Variants in ANKRD18A observed in about 807,000 individuals in gnomAD.
The protein encoded by ANKRD18A is ankyrin repeat domain-containing protein 18A.
A neutral mutation model predicts 110.6 loss-of-function variants in ANKRD18A; 72 were observed. The observed-to-expected ratio is 0.65, with a 90% CI of 0.54 to 0.79. The LOEUF (loss-of-function observed/expected upper bound fraction) is 0.79. Among genes scored for constraint, ANKRD18A ranks in the 30% least tolerant of loss-of-function variants. The pLI is 0.00. For missense variants in ANKRD18A, 934 were observed against 1,163.3 expected, an observed-to-expected ratio of 0.80 and a Z score of 2.87; for synonymous variants, 305 against 410.3, an observed-to-expected ratio of 0.74 and a Z score of 3.10.
At chr9:38,615,795 T>C (rs965926492) in intron 2 of ANKRD18A, 28 bp from the exon 3 acceptor site, 3 of 1,595,228 alleles carry the variant, frequency 1.9e-6, no homozygotes, top group Admixed American at 3.6e-5. Flanking sequence ...AAAACTAGAC[T>C]ATAAATTCTA....
Position 38,577,146 on chromosome 9 carries a change from G to A in ANKRD18A, c.2648C>T (p.Ala883Val), listed in dbSNP as rs773127893. 1 of 1,549,440 alleles carries A rather than the reference G, an allele frequency of 6.5e-7. No homozygotes were observed. Reference sequence around the variant, plus strand: ...TAATTCAGTTGTAACCTCTTCATAAGCAGTTTTCATTTTGGAGAATTTACA... The same window carrying A: ...TAATTCAGTTGTAACCTCTTCATAAACAGTTTTCATTTTGGAGAATTTACA... ...VECKFSKMKT[A>V]YEEVTTELEE... The change falls in exon 14 of 16, where the codon GCT (alanine) becomes GTT (valine). Residue 883 changes from alanine to valine, a missense_variant. Ala to Val is a moderately conservative substitution (Grantham distance 64). Around this residue, in one of 4 missense-constraint regions of ANKRD18A, gnomAD observed 223 missense variants for 226.7 expected, o/e 0.98. Transcript: ENST00000399703.
At chr9:38,578,974 G>T (rs1462745997) in intron 12 of ANKRD18A, among the ~76,000 whole-genome samples, 2 of 152,086 alleles carry the variant, frequency 1.3e-5, no homozygotes, top group African/African-American at 4.8e-5. Context: ...AATTTGAATT[G>T]CATTTTAAGA....
At chr9:38,611,763 A>T (rs1825630974) in intron 3 of ANKRD18A, among the ~76,000 whole-genome samples, 1 of 152,194 alleles carries the variant, frequency 6.6e-6, no homozygotes, top group Non-Finnish European at 1.5e-5. Context: ...TGTTTCTTAA[A>T]CTATATTTCA....
chr9:38,568,441 G>T (rs577785934), downstream of ANKRD18A: 1 of 151,880 alleles, frequency 6.6e-6, no homozygotes, highest in Non-Finnish European at 1.5e-5. Flanking sequence ...AACCTCACTC[G>T]CTGCCAGTCA....
At chr9:38,575,087 C>A (rs1823820092) in intron 15 of ANKRD18A, among the ~76,000 whole-genome samples, 1 of 127,426 alleles carries the variant, frequency 7.8e-6, no homozygotes, top group African/African-American at 3.6e-5. Context: ...GAGCAAGACA[C>A]CATCTCAAAA....
chr9:38,611,382 A>G, intron 3 of ANKRD18A, 61 bp from the exon 4 acceptor site: 24 of 1,499,674 alleles, frequency 1.6e-5, no homozygotes, highest in Non-Finnish European at 2.1e-5. Context: ...ACTGAACTAA[A>G]AATCTTCTAT....
intron 9 of ANKRD18A, among the ~76,000 whole-genome samples, chr9:38,594,392 A>G: frequency 6.6e-6 from 1 of 152,212 alleles, no homozygotes; most frequent in Non-Finnish European, 1.5e-5. Context: ...AAACTCATAA[A>G]TCACAGACAG....
At chr9:38,583,391 A>G (rs1171491074) in intron 12 of ANKRD18A, among the ~76,000 whole-genome samples, 1 of 152,130 alleles carries the variant, frequency 6.6e-6, no homozygotes, top group Non-Finnish European at 1.5e-5. Flanking sequence ...CATTATTACT[A>G]TATTTTTTTT....
intron 12 of ANKRD18A, among the ~76,000 whole-genome samples, chr9:38,585,072 T>C (rs1245483593): frequency 1.3e-5 from 2 of 152,222 alleles, no homozygotes; most frequent in African/African-American, 4.8e-5. Context: ...TGGGGGAATC[T>C]GCATCTGTAA....
At chr9:38,613,362 A>G (rs1380912023) in intron 3 of ANKRD18A, among the ~76,000 whole-genome samples, 3 of 152,182 alleles carry the variant, frequency 2.0e-5, no homozygotes, top group Non-Finnish European at 4.4e-5. Context: ...CGCCACATTT[A>G]GACTATAGCT....
chr9:38,598,981 G>T (rs1016743165), intron 8 of ANKRD18A, among the ~76,000 whole-genome samples: 2 of 151,976 alleles, frequency 1.3e-5, no homozygotes, highest in African/African-American at 2.4e-5. Context: ...TGGTATTTTG[G>T]GTTATATTTT....
rs866108676 is a variant in ANKRD18A at position 38,588,449 on chromosome 9, A to G, written c.2117+102T>C. The G allele has an allele frequency of 1.2e-5, 9 of 771,936 alleles. No homozygotes were observed. The African/African-American group carries it at 1.5e-4, about 13-fold the overall frequency. The allele number at this position is 771,936 out of a possible 1,614,324, so 47.8% of individuals were successfully genotyped here. A position where few individuals can be genotyped will look rare whatever the true frequency, so the allele number is the denominator to read the frequency against. Reference sequence around the variant, plus strand: ...AAACAGAATTCATTTAATTATGAAAATGAAGACATAAAATGGATTTGTATC... The same window carrying G: ...AAACAGAATTCATTTAATTATGAAAGTGAAGACATAAAATGGATTTGTATC... On this transcript the variant is annotated intron_variant, in intron 11 of 15. Transcript: ENST00000399703.
At chr9:38,608,410 C>T (rs1333832435) in intron 5 of ANKRD18A, among the ~76,000 whole-genome samples, 2 of 151,818 alleles carry the variant, frequency 1.3e-5, no homozygotes, top group East Asian at 3.9e-4. Flanking sequence ...ATTTCCAAGT[C>T]ATGTACTAAC....
intron 8 of ANKRD18A, among the ~76,000 whole-genome samples, chr9:38,598,208 A>G (rs1003739036): frequency 2.0e-5 from 3 of 152,234 alleles, no homozygotes; most frequent in African/African-American, 4.8e-5. Flanking sequence ...TACAGAAAAA[A>G]GAATCTAGAC....
rs1825107103 is a variant in ANKRD18A at position 38,601,212 on chromosome 9, A to G, written c.863-8T>C. The G allele has an allele frequency of 6.4e-7, 1 of 1,551,706 alleles. No homozygotes were observed. Among genetic ancestry groups the G allele is most frequent in the Non-Finnish European group, 8.7e-7 (1 of 1,146,492 alleles). ...CTTTTAGGTTGTGTTCTGCTGACAA[A>G]TCCATATGTTTAGTTAAAATGAATG... On this transcript the variant is annotated splice_region_variant and splice_polypyrimidine_tract_variant and intron_variant, in intron 7 of 15. Transcript: ENST00000399703.
rs1415581 is a variant in ANKRD18A at position 38,586,133 on chromosome 9, T to A, written c.2247+50A>T. The A allele has an allele frequency of 2.7e-6, 4 of 1,494,076 alleles. No individual in the cohort carries two copies. In the South Asian group the frequency reaches 5.0e-5, roughly 19 times the overall value. The allele number at this position is 1,494,076 out of a possible 1,614,324, so 92.6% of individuals were successfully genotyped here. A position where few individuals can be genotyped will look rare whatever the true frequency, so the allele number is the denominator to read the frequency against. ...ACCTATGTAACAAACCTGTACCTCT[T>A]ACACATGTAATCTAGACCTTAAGAT... On this transcript the variant is annotated intron_variant, in intron 12 of 15. Coordinates refer to ENST00000399703, the MANE Select transcript of ANKRD18A (RefSeq NM_147195.4).
chr9:38,575,831 G>A, intron 14 of ANKRD18A, 133 bp from the exon 15 acceptor site: 1 of 797,406 alleles, frequency 1.3e-6, no homozygotes. Flanking sequence ...ACACAAAGAT[G>A]TGTGAGGGCA....
intron 14 of ANKRD18A, among the ~76,000 whole-genome samples, chr9:38,576,842 C>T (rs1467492998): frequency 1.3e-5 from 2 of 151,654 alleles, no homozygotes; most frequent in African/African-American, 4.9e-5. Context: ...AAAAAAGCCA[C>T]ACAAAAACAA....
downstream of ANKRD18A, chr9:38,567,137 T>C (rs1432691372): frequency 1.3e-5 from 2 of 152,214 alleles, no homozygotes; most frequent in Admixed American, 6.5e-5. Flanking sequence ...AAGTAAGTGG[T>C]ATCATTCTTC....
Sources: allele counts gnomAD v4.1 joint callset (sites outside exome capture counted in the v4.1 genomes callset), GRCh38; gene constraint gnomAD v4.1.1; regional missense constraint gnomAD v4.1.1; transcripts MANE v1.5; gene names NCBI Gene and HGNC (gene_info 2026-07-23, HGNC 2026-07-21).